KLF12: variants seen among roughly 807,000 people sequenced by gnomAD.
KLF12 encodes KLF transcription factor 12.
A neutral mutation model predicts 37.8 loss-of-function variants in KLF12; 9 were observed. That is an observed-to-expected ratio of 0.24 (90% confidence interval 0.14 to 0.42). The LOEUF is 0.42. Among genes scored for constraint, KLF12 ranks in the 10% least tolerant of loss-of-function variants. The pLI is 1.00. For synonymous variants in KLF12, 208 were observed against 202.1 expected, an observed-to-expected ratio of 1.03 and a Z score of -0.25; for missense variants, 411 against 516.0, an observed-to-expected ratio of 0.80 and a Z score of 1.97.
the KLF12 span, among the ~76,000 whole-genome samples, chr13:74,288,883 C>G: frequency 6.6e-6 from 1 of 152,180 alleles, no homozygotes; most frequent in Non-Finnish European, 1.5e-5. Flanking sequence ...GCACCTGCTC[C>G]CCACTGGTCA....
chr13:73,722,844 C>T (rs1876370532), intron 6 of KLF12, among the ~76,000 whole-genome samples: 1 of 152,074 alleles, frequency 6.6e-6, no homozygotes, highest in Non-Finnish European at 1.5e-5. Flanking sequence ...CTTTAATAAA[C>T]AAAGTTTCCT....
chr13:74,047,110 G>C (rs1483405808), intron 1 of KLF12, among the ~76,000 whole-genome samples: 17 of 152,078 alleles, frequency 1.1e-4, no homozygotes, highest in Admixed American at 1.1e-3. Context: ...TCTCCAACCA[G>C]TCCTCCTCTA....
chr13:74,093,403 C>T (rs908877232), intron 1 of KLF12, among the ~76,000 whole-genome samples: 1 of 152,146 alleles, frequency 6.6e-6, no homozygotes, highest in Non-Finnish European at 1.5e-5. Context: ...AAATGTGTTA[C>T]CTGATCTCCG....
intron 1 of KLF12, among the ~76,000 whole-genome samples, chr13:74,106,987 A>C (rs963844753): frequency 1.3e-5 from 2 of 152,326 alleles, no homozygotes; most frequent in East Asian, 3.9e-4. Flanking sequence ...TATAAACAAC[A>C]GAAGTTTATT....
At chr13:73,874,209 C>T (rs996435234) in intron 3 of KLF12, among the ~76,000 whole-genome samples, 1 of 152,042 alleles carries the variant, frequency 6.6e-6, no homozygotes, top group African/African-American at 2.4e-5. Flanking sequence ...AATATTTGAC[C>T]TTGGAACTAT....
chr13:73,791,190 T>C (rs116901041), intron 5 of KLF12, among the ~76,000 whole-genome samples: 2,028 of 152,376 alleles, frequency 0.013, 22 homozygotes, highest in South Asian at 0.024. Flanking sequence ...AATTCATAAT[T>C]TGTATAGGCA....
intron 3 of KLF12, among the ~76,000 whole-genome samples, chr13:73,860,816 T>C (rs563822423): frequency 6.6e-6 from 1 of 152,296 alleles, no homozygotes; most frequent in East Asian, 1.9e-4. Flanking sequence ...AAAATGAAAG[T>C]TGAAAGTTTC....
chr13:74,172,180 A>G, the KLF12 span, among the ~76,000 whole-genome samples: 2 of 55,452 alleles, frequency 3.6e-5, no homozygotes, highest in South Asian at 1.5e-3. Context: ...CACTCTACTG[A>G]CATGTGTTCC....
intron 6 of KLF12, among the ~76,000 whole-genome samples, chr13:73,718,873 G>C (rs902313029): frequency 3.3e-5 from 5 of 152,140 alleles, no homozygotes. Context: ...CAATCTGGGT[G>C]AAAGAGCGAG....
intron 1 of KLF12, among the ~76,000 whole-genome samples, chr13:74,084,328 G>C (rs1875120368): frequency 6.6e-6 from 1 of 152,196 alleles, no homozygotes; most frequent in South Asian, 2.1e-4. Flanking sequence ...TACAAATGCA[G>C]CAGAATCCCA....
At chr13:74,222,977 A>ACT in the KLF12 span, among the ~76,000 whole-genome samples, 3 of 152,246 alleles carry the variant, frequency 2.0e-5, no homozygotes, top group African/African-American at 7.2e-5. Flanking sequence ...AAGACTTAGA[A>ACT]AAGAAATTGC....
chr13:74,156,657 C>T, the KLF12 span, among the ~76,000 whole-genome samples: 1 of 150,076 alleles, frequency 6.7e-6, no homozygotes, highest in African/African-American at 2.5e-5. Context: ...GGTAACAATC[C>T]TTCTACTCTC....
the KLF12 span, among the ~76,000 whole-genome samples, chr13:74,238,793 T>G: frequency 6.6e-6 from 1 of 152,152 alleles, no homozygotes; most frequent in South Asian, 2.1e-4. Context: ...GATATCCCCT[T>G]TATCATTTTT....
At chr13:74,295,879 T>G in the KLF12 span, among the ~76,000 whole-genome samples, 142 of 152,238 alleles carry the variant, frequency 9.3e-4, 1 homozygote, top group Middle Eastern at 3.4e-3. Flanking sequence ...AGTGGCGTGA[T>G]CTCAGTTCAC....
chr13:74,186,141 C>A, the KLF12 span, among the ~76,000 whole-genome samples: 1 of 152,016 alleles, frequency 6.6e-6, no homozygotes, highest in Non-Finnish European at 1.5e-5. Context: ...CAGAAAAAAA[C>A]ACAACAAATA....
chr13:73,811,294 C>A (rs1169994456), intron 5 of KLF12, among the ~76,000 whole-genome samples: 3 of 151,924 alleles, frequency 2.0e-5, no homozygotes, highest in Admixed American at 1.3e-4. Flanking sequence ...AGTGCTCAAG[C>A]AGGATAATAC....
At chr13:73,833,160 C>G (rs547059744) in intron 4 of KLF12, among the ~76,000 whole-genome samples, 8 of 152,134 alleles carry the variant, frequency 5.3e-5, no homozygotes, top group Non-Finnish European at 7.3e-5. Context: ...TATTAATTGC[C>G]TGGATCCAAT....
At chr13:73,895,684 G>A (rs1393275290) in intron 3 of KLF12, among the ~76,000 whole-genome samples, 1 of 152,114 alleles carries the variant, frequency 6.6e-6, no homozygotes, top group Admixed American at 6.6e-5. Flanking sequence ...ATGAGTGACA[G>A]GGAGCAATAA....
At chr13:73,729,445 A>G (rs1215666308) in intron 6 of KLF12, among the ~76,000 whole-genome samples, 1 of 152,316 alleles carries the variant, frequency 6.6e-6, no homozygotes, top group East Asian at 1.9e-4. Context: ...CAGAAAAAGT[A>G]CTTGACAGCA....
Sources: allele counts gnomAD v4.1 joint callset (sites outside exome capture counted in the v4.1 genomes callset), GRCh38; gene constraint gnomAD v4.1.1; transcripts MANE v1.5; gene names NCBI Gene and HGNC (gene_info 2026-07-23, HGNC 2026-07-21).